The following CNKSR2 variants were observed in gnomAD, a reference collection of about 807,000 sequenced individuals.
The protein encoded by CNKSR2 is CNK homolog protein 2.
A neutral mutation model predicts 84.4 loss-of-function variants in CNKSR2; 14 were observed. The ratio of observed to expected loss-of-function variants is 0.17; its 90% confidence interval spans 0.11 to 0.26. CNKSR2 has a LOEUF of 0.26. CNKSR2 is among the 10% of genes least tolerant of loss of function. The probability of loss-of-function intolerance (pLI) is 1.00; values close to 1 mark genes in which losing one functional copy is unlikely to be tolerated. For synonymous variants in CNKSR2, 275 were observed against 277.9 expected (o/e 0.99, Z 0.10); for missense variants, 485 against 771.2 (o/e 0.63, Z 4.40).
intron 1 of CNKSR2, among the ~76,000 whole-genome samples, chrX:21,400,927 A>G (rs925992326): frequency 9.0e-6 from 1 of 111,469 alleles, no homozygotes; most frequent in African/African-American, 3.2e-5. Context: ...TTAAAATTTT[A>G]TGTTTCAATG....
chrX:21,543,542 C>T (rs1228542759), intron 11 of CNKSR2, among the ~76,000 whole-genome samples: 1 of 112,092 alleles, frequency 8.9e-6, no homozygotes, highest in Non-Finnish European at 1.9e-5. Flanking sequence ...TATTGTAAAA[C>T]TTGGAGAAAT....
At chrX:21,605,048 A>G (rs1449738376) in intron 18 of CNKSR2, among the ~76,000 whole-genome samples, 1 of 111,899 alleles carries the variant, frequency 8.9e-6, no homozygotes, top group African/African-American at 3.3e-5. Context: ...ATGTTTCCTT[A>G]TTTAGTGCCC....
intron 4 of CNKSR2, among the ~76,000 whole-genome samples, chrX:21,456,720 G>T (rs2090999903): frequency 9.0e-6 from 1 of 111,236 alleles, no homozygotes; most frequent in Non-Finnish European, 1.9e-5. Context: ...ATTTCCCTTG[G>T]ATATATACTC....
chrX:21,414,807 C>A (rs2090394501), intron 1 of CNKSR2, among the ~76,000 whole-genome samples: 1 of 111,791 alleles, frequency 8.9e-6, no homozygotes, highest in Non-Finnish European at 1.9e-5. Flanking sequence ...ATTAAAGAGA[C>A]TGGCCTTCTC....
At chrX:21,478,355 C>G (rs2091280936) in intron 5 of CNKSR2, among the ~76,000 whole-genome samples, 1 of 111,497 alleles carries the variant, frequency 9.0e-6, no homozygotes, top group African/African-American at 3.3e-5. Flanking sequence ...ATGAGAAATC[C>G]AGATATAACA....
Position 21,531,881 on chromosome X carries a change from G to A in CNKSR2, c.1117G>A (p.Glu373Lys). The A allele has an allele frequency of 8.3e-7, 1 of 1,204,669 alleles. No individual in the cohort carries two copies. The highest frequency in any genetic ancestry group is 1.1e-6 in the Non-Finnish European group (1 of 890,533). The part of the protein sequence containing the change: ...PRDEKGNLPC[E>K]DLRGHMVGKP... ...GGATGAAAAAGGAAACCTTCCTTGT[G>A]AAGACCTCAGAGGACATATGGTGGG... The change falls in exon 11 of 22, where the codon GAA (glutamate) becomes AAA (lysine). Residue 373 changes from glutamate to lysine, a missense_variant. Physicochemically the swap from Glu to Lys is moderately conservative, Grantham distance 56. This residue lies in a region of CNKSR2 where 132 missense variants were observed against 166.7 expected (regional missense o/e 0.79). Transcript: ENST00000379510.
chrX:21,539,565 A>C (rs2091958907), intron 11 of CNKSR2, among the ~76,000 whole-genome samples: 2 of 110,446 alleles, frequency 1.8e-5, no homozygotes, highest in Non-Finnish European at 1.9e-5. Flanking sequence ...ATATTTCCTT[A>C]CTTTTTCATG....
intron 17 of CNKSR2, among the ~76,000 whole-genome samples, chrX:21,596,002 C>T (rs2092449093): frequency 9.0e-6 from 1 of 111,569 alleles, no homozygotes; most frequent in South Asian, 3.7e-4. Flanking sequence ...CCTTTCCCCT[C>T]TTCCTTTTCT....
chrX:21,426,203 A>C, intron 1 of CNKSR2: 1 of 246,049 alleles, frequency 4.1e-6, no homozygotes, highest in Non-Finnish European at 7.1e-6. Flanking sequence ...GCCTGTTGGC[A>C]TACTTTATGA....
At chrX:21,617,609 A>G (rs1346963986) in intron 20 of CNKSR2, among the ~76,000 whole-genome samples, 2 of 111,536 alleles carry the variant, frequency 1.8e-5, no homozygotes, top group Non-Finnish European at 3.8e-5. Context: ...GCATGAATTT[A>G]TTTTCCTTAT....
At chrX:21,586,527 G>A (rs1014267686) in intron 13 of CNKSR2, among the ~76,000 whole-genome samples, 22 of 111,271 alleles carry the variant, frequency 2.0e-4, no homozygotes, top group African/African-American at 7.2e-4. Context: ...CATCCCTCCA[G>A]GAAGAACCTT....
intron 20 of CNKSR2, chrX:21,637,144 G>A (rs182002764): frequency 8.9e-6 from 1 of 111,904 alleles, no homozygotes; most frequent in Admixed American, 9.5e-5. Flanking sequence ...GTCAGCATGT[G>A]TGATAGACTC....
intron 4 of CNKSR2, among the ~76,000 whole-genome samples, chrX:21,447,241 A>T (rs1278848983): frequency 9.0e-6 from 1 of 111,485 alleles, no homozygotes. Flanking sequence ...ATGATTATCC[A>T]TTCTTCTTAT....
chrX:21,452,753 C>CT (rs1555922680), intron 4 of CNKSR2, among the ~76,000 whole-genome samples: 1 of 86,853 alleles, frequency 1.2e-5, no homozygotes, highest in Non-Finnish European at 2.2e-5. Flanking sequence ...ACAAGCATGA[C>CT]TTATTTTATT....
chrX:21,618,133 G>T (rs1419397209), intron 20 of CNKSR2, among the ~76,000 whole-genome samples: 2 of 110,750 alleles, frequency 1.8e-5, no homozygotes, highest in Non-Finnish European at 3.8e-5. Context: ...TTGGATATGG[G>T]CTTCATAGCC....
At chrX:21,608,941 G>A in intron 19 of CNKSR2, 130 bp from the exon 20 acceptor site, 1 of 957,740 alleles carries the variant, frequency 1.0e-6, no homozygotes, top group Non-Finnish European at 1.4e-6. Context: ...CTGCAAACTT[G>A]CCTAGTCATT....
intron 7 of CNKSR2, among the ~76,000 whole-genome samples, chrX:21,500,582 A>G (rs188203237): frequency 1.6e-3 from 175 of 111,347 alleles, no homozygotes; most frequent in Non-Finnish European, 7.8e-4. Context: ...TAAAATGCAT[A>G]TAATCAATAA....
chrX:21,485,716 G>T (rs2091376618), intron 5 of CNKSR2, among the ~76,000 whole-genome samples: 1 of 111,792 alleles, frequency 8.9e-6, no homozygotes, highest in Admixed American at 9.5e-5. Context: ...AATCCAGAAA[G>T]TCAGTTAAAC....
At chrX:21,574,333 C>A (rs1467862508) in intron 13 of CNKSR2, among the ~76,000 whole-genome samples, 1 of 111,664 alleles carries the variant, frequency 9.0e-6, no homozygotes, top group African/African-American at 3.3e-5. Context: ...ATAGCAGCAC[C>A]CCACTCTACT....
Sources: gnomAD v4.1 joint callset for allele counts (sites outside exome capture counted in the v4.1 genomes callset) on GRCh38, gnomAD v4.1.1 for gene constraint, gnomAD v4.1.1 regional missense constraint, MANE v1.5 for transcripts, NCBI Gene and HGNC (gene_info 2026-07-23, HGNC 2026-07-21) for gene names.